FHIP1A: variants seen among roughly 807,000 people sequenced by gnomAD.
FHIP1A encodes the protein FHF complex subunit HOOK interacting protein 1A, also known as FHF complex subunit HOOK-interacting protein 1A.
A neutral mutation model predicts 88.6 loss-of-function variants in FHIP1A; 61 were observed. That is an observed-to-expected ratio of 0.69 (90% CI 0.56 to 0.85). The LOEUF (loss-of-function observed/expected upper bound fraction) is 0.85, where lower values mean the gene tolerates loss of function less well. Among genes scored for constraint, FHIP1A ranks in the 40% least tolerant of loss-of-function variants. The pLI is 0.00. For synonymous variants in FHIP1A, 478 were observed against 496.0 expected, an observed-to-expected ratio of 0.96 and a Z score of 0.48; for missense variants, 1,154 against 1,273.5, an observed-to-expected ratio of 0.91 and a Z score of 1.43.
At chr4:151,549,874 C>T (rs1320293899) in intron 3 of FHIP1A, among the ~76,000 whole-genome samples, 1 of 152,036 alleles carries the variant, frequency 6.6e-6, no homozygotes, top group Non-Finnish European at 1.5e-5. Flanking sequence ...AAAGACTAGC[C>T]TGTAGTCTTT....
chr4:151,654,519 C>T lies in FHIP1A; in HGVS notation c.2552-1713C>T, dbSNP rs74341063. On this transcript the variant is annotated intron_variant, in intron 11 of 13. Coordinates refer to ENST00000435205, the MANE Select transcript of FHIP1A (RefSeq NM_001109977.3). ...GAAGACTCTGCCCACCTAAGTATGT[C>T]TTAATTCACCTGCTTTTGCTCCATC... Among the ~76,000 whole-genome samples the T allele has an allele frequency of 5.2e-3, 798 of 152,288 alleles. 5 individuals carry two copies. The highest frequency in any genetic ancestry group is 0.019 in the African/African-American group (776 of 41,552).
At chr4:151,440,659 C>T (rs1728374430) in intron 1 of FHIP1A, among the ~76,000 whole-genome samples, 1 of 152,080 alleles carries the variant, frequency 6.6e-6, no homozygotes, top group Admixed American at 6.6e-5. Context: ...AGTAGCAGTA[C>T]AGTGTCACAC....
chr4:151,442,003 T>TA (rs1728430562), intron 1 of FHIP1A, among the ~76,000 whole-genome samples: 1 of 152,224 alleles, frequency 6.6e-6, no homozygotes, highest in South Asian at 2.1e-4. Context: ...AATTGTTCCA[T>TA]AATCTCAAGT....
chr4:151,589,093 C>A (rs1206948291), intron 7 of FHIP1A, among the ~76,000 whole-genome samples, 167 bp downstream of exon 7: 5 of 152,170 alleles, frequency 3.3e-5, no homozygotes, highest in African/African-American at 7.2e-5. Context: ...ATGGCCACAG[C>A]TTAAACTGAT....
At position 151,650,230 on chromosome 4, in the gene FHIP1A, C is replaced by A. The variant is rs1169562153; in HGVS notation, c.2189C>A (p.Ser730Tyr). Residue 730 changes from serine to tyrosine, a missense_variant, in exon 11 of 14, where the codon TCC becomes TAC. Coordinates refer to ENST00000435205, the MANE Select transcript of FHIP1A (RefSeq NM_001109977.3). The part of the protein sequence containing the change: ...AAPESNSELA[S>Y]PAPEAEHSSN... ...CCAGAATCCAACTCAGAGTTAGCAT[C>A]CCCTGCCCCTGAGGCAGAGCACAGC... 3 of 1,551,744 alleles carry A rather than the reference C, an allele frequency of 1.9e-6. No individual in the cohort carries two copies. Among genetic ancestry groups the A allele is most frequent in the African/African-American group, 1.4e-5 (1 of 73,168 alleles).
chr4:151,542,820 G>C (rs1732346979), intron 3 of FHIP1A, among the ~76,000 whole-genome samples: 1 of 152,176 alleles, frequency 6.6e-6, no homozygotes, highest in African/African-American at 2.4e-5. Flanking sequence ...ATTTGCTTGA[G>C]ATCAAATGCT....
At chr4:151,526,683 C>T (rs1204735560) in intron 3 of FHIP1A, among the ~76,000 whole-genome samples, 1 of 151,788 alleles carries the variant, frequency 6.6e-6, no homozygotes, top group African/African-American at 2.4e-5. Context: ...TCCTCCCTCC[C>T]GGACGAGGTG....
intron 3 of FHIP1A, among the ~76,000 whole-genome samples, chr4:151,563,886 G>A (rs1224139535): frequency 6.6e-6 from 1 of 151,994 alleles, no homozygotes; most frequent in Non-Finnish European, 1.5e-5. Context: ...CCAGCTAGTC[G>A]GGAGGCTGAG....
chr4:151,536,180 G>C (rs1174495136), intron 3 of FHIP1A, among the ~76,000 whole-genome samples: 1 of 152,172 alleles, frequency 6.6e-6, no homozygotes. Context: ...ATTATACAGA[G>C]AGATCCTTCC....
At chr4:151,587,237 G>T (rs1202089543) in intron 6 of FHIP1A, among the ~76,000 whole-genome samples, 1 of 152,158 alleles carries the variant, frequency 6.6e-6, no homozygotes, top group Non-Finnish European at 1.5e-5. Context: ...GAATTTAGAA[G>T]AAGTTAAGCA....
chr4:151,517,447 A>G (rs1427991366), intron 3 of FHIP1A, among the ~76,000 whole-genome samples: 4 of 152,116 alleles, frequency 2.6e-5, no homozygotes, highest in South Asian at 2.1e-4. Context: ...AACTTAAAGT[A>G]TAATAATAAT....
At chr4:151,629,969 T>C (rs75554942) in intron 8 of FHIP1A, 100 bp downstream of exon 8, 3 of 938,186 alleles carry the variant, frequency 3.2e-6, no homozygotes, top group African/African-American at 3.4e-5. Flanking sequence ...TTTGCTCTCC[T>C]TTTTTTTTCT....
intron 2 of FHIP1A, among the ~76,000 whole-genome samples, chr4:151,470,055 A>C (rs759434963): frequency 3.3e-5 from 5 of 152,240 alleles, no homozygotes; most frequent in Non-Finnish European, 7.3e-5. Context: ...ATGAATTCTC[A>C]TCATAAAAGC....
At chr4:151,548,153 A>G (rs1732579626) in intron 3 of FHIP1A, among the ~76,000 whole-genome samples, 1 of 152,150 alleles carries the variant, frequency 6.6e-6, no homozygotes, top group Non-Finnish European at 1.5e-5. Context: ...TTAATAATCT[A>G]GTGGACTCTT....
chr4:151,592,174 G>A (rs1734460107), intron 7 of FHIP1A, among the ~76,000 whole-genome samples: 3 of 151,090 alleles, frequency 2.0e-5, no homozygotes, highest in Admixed American at 6.6e-5. Context: ...TCACTCTGTC[G>A]CCCAGGCTGG....
At chr4:151,500,888 G>C (rs1029766354) in intron 3 of FHIP1A, among the ~76,000 whole-genome samples, 3 of 152,174 alleles carry the variant, frequency 2.0e-5, no homozygotes, top group African/African-American at 7.2e-5. Context: ...GGACACACCA[G>C]CATATACTTT....
chr4:151,429,694 C>G (rs1172516317), intron 1 of FHIP1A, among the ~76,000 whole-genome samples: 1 of 151,910 alleles, frequency 6.6e-6, no homozygotes, highest in African/African-American at 2.4e-5. Context: ...ACTAAAAATA[C>G]AAAAATTAGC....
At chr4:151,448,572 T>C (rs1235538241) in intron 1 of FHIP1A, among the ~76,000 whole-genome samples, 1 of 152,226 alleles carries the variant, frequency 6.6e-6, no homozygotes, top group Admixed American at 6.5e-5. Context: ...TGTCCTTTTG[T>C]GACTGGCTTA....
intron 3 of FHIP1A, among the ~76,000 whole-genome samples, chr4:151,529,196 G>T (rs1489891971): frequency 6.6e-6 from 1 of 152,260 alleles, no homozygotes; most frequent in East Asian, 1.9e-4. Flanking sequence ...GTGACCTCAG[G>T]TAGTGGGAAG....
Sources: allele counts gnomAD v4.1 joint callset (sites outside exome capture counted in the v4.1 genomes callset), GRCh38; gene constraint gnomAD v4.1.1; transcripts MANE v1.5; gene names NCBI Gene and HGNC (gene_info 2026-07-23, HGNC 2026-07-21).